Variants in MYOCD observed in about 807,000 individuals in gnomAD.
MYOCD encodes the protein myocardin.
Under a neutral mutation model 96.1 loss-of-function variants are expected in MYOCD, and 32 were observed. The observed-to-expected ratio is 0.33, with a 90% CI of 0.25 to 0.45. The LOEUF (loss-of-function observed/expected upper bound fraction) is 0.45, where lower values mean the gene tolerates loss of function less well. Among genes scored for constraint, MYOCD ranks in the 20% least tolerant of loss-of-function variants. MYOCD has a pLI of 1.00. For synonymous variants in MYOCD, 469 were observed against 469.0 expected, an observed-to-expected ratio of 1.00 and a Z score of 0.00; for missense variants, 1,133 against 1,200.6, an observed-to-expected ratio of 0.94 and a Z score of 0.83.
chr17:12,742,027 C>G lies in MYOCD; in HGVS notation c.718-2156C>G, dbSNP rs12452347. On this transcript the variant is annotated intron_variant, in intron 7 of 13. Transcript: ENST00000425538. ...AAGGCAACATAGAGAAAAAAAGCTC[C>G]TGGACCTCCGACTTAGCTGCGGGAC... Among the ~76,000 whole-genome samples the G allele has an allele frequency of 6.0e-3, 907 of 152,200 alleles. 16 individuals carry two copies. Among genetic ancestry groups the G allele is most frequent in the East Asian group, 0.031 (162 of 5,170 alleles).
intron 9 of MYOCD, among the ~76,000 whole-genome samples, chr17:12,752,115 A>C (rs12940605): frequency 0.29 from 44,429 of 152,166 alleles, 7,552 homozygotes; most frequent in Middle Eastern, 0.46. Context: ...ATGGGGACAC[A>C]GATCGCCATG....
In MYOCD at chr17:12,767,252, G is replaced by A. The variant is rs1367090328; in HGVS notation, c.*3608G>A. 1.3e-5 allele frequency: 2 copies of A among 152,122 alleles called. No homozygotes were observed. The highest frequency in any genetic ancestry group is 2.9e-5 in the Non-Finnish European group (2 of 68,028). The allele number at this position is 152,122 out of a possible 1,614,324, so 9.4% of individuals were successfully genotyped here. On this transcript the variant is annotated 3_prime_UTR_variant, in exon 14 of 14. Transcript: ENST00000425538. ...TCTTCACCTGAATAATAGAGGGTCTGAGAACTGTCAGCCTTTTGCCATTCA... is the reference window on the plus strand; with the variant it reads ...TCTTCACCTGAATAATAGAGGGTCTAAGAACTGTCAGCCTTTTGCCATTCA...
intron 1 of MYOCD, among the ~76,000 whole-genome samples, chr17:12,678,235 T>C (rs932169562): frequency 5.9e-5 from 9 of 152,014 alleles, no homozygotes; most frequent in Non-Finnish European, 1.2e-4. Flanking sequence ...GTTATGAAGA[T>C]AATTATTGTC....
In MYOCD at chr17:12,679,152, A is replaced by T. The variant is rs564345699; in HGVS notation, c.55+12909A>T. On this transcript the variant is annotated intron_variant, in intron 1 of 13. Coordinates refer to ENST00000425538, the MANE Select transcript of MYOCD (RefSeq NM_001146312.3). Reference sequence around the variant, plus strand: ...CTTTTCAGATAGGCAGATGCCTGGCATTTAACCTATTTCCTCTCTCAACCT... The same window carrying T: ...CTTTTCAGATAGGCAGATGCCTGGCTTTTAACCTATTTCCTCTCTCAACCT... Among the ~76,000 whole-genome samples, 9 of 152,328 alleles carry T rather than the reference A, an allele frequency of 5.9e-5. 1 individual carries two copies. The highest frequency in any genetic ancestry group is 1.9e-4 in the African/African-American group (8 of 41,576).
intron 9 of MYOCD, among the ~76,000 whole-genome samples, chr17:12,749,954 T>A (rs1021242326): frequency 5.3e-5 from 8 of 152,030 alleles, no homozygotes; most frequent in South Asian, 2.1e-4. Flanking sequence ...GGTTCACGCC[T>A]TTCTCCTGCC....
At position 12,756,917 on chromosome 17, in the gene MYOCD, A is replaced by C. The variant is rs1449402783; in HGVS notation, c.2202+360A>C. On this transcript the variant is annotated intron_variant, in intron 11 of 13. Transcript: ENST00000425538. ...AACAAATCCACTCCAAATGCATCTA[A>C]AAGGATGTACAGATATGAGTTAGAA... Among the ~76,000 whole-genome samples, 3 of 152,106 alleles carry C rather than the reference A, an allele frequency of 2.0e-5. 1 individual carries two copies. Among genetic ancestry groups the C allele is most frequent in the African/African-American group, 7.2e-5 (3 of 41,416 alleles).
At position 12,745,987 on chromosome 17, in the gene MYOCD, C is replaced by T. The variant is rs1330057854; in HGVS notation, c.1040C>T (p.Ser347Phe). 10 of 1,614,086 alleles carry T rather than the reference C, an allele frequency of 6.2e-6. No individual in the cohort carries two copies. Among genetic ancestry groups the T allele is most frequent in the Non-Finnish European group, 7.6e-6 (9 of 1,180,028 alleles). ...ACGCCACTGAGCAATACCCCCTTGT[C>T]TCCTGTCAAAAACAGTTTTTCTGGA... ...SSTPLSNTPL[S>F]PVKNSFSGQT... Residue 347 changes from serine to phenylalanine, a missense_variant, in exon 9 of 14, where the codon TCT becomes TTT. Coordinates refer to ENST00000425538, the MANE Select transcript of MYOCD (RefSeq NM_001146312.3).
At chr17:12,712,766 T>G (rs548111041) in intron 2 of MYOCD, among the ~76,000 whole-genome samples, 20 of 152,178 alleles carry the variant, frequency 1.3e-4, no homozygotes, top group African/African-American at 4.6e-4. Flanking sequence ...TTTACAACAG[T>G]ATTTTAATTC....
chr17:12,726,362 A>T (rs891395104), intron 5 of MYOCD, among the ~76,000 whole-genome samples: 1 of 152,224 alleles, frequency 6.6e-6, no homozygotes, highest in Non-Finnish European at 1.5e-5. Context: ...AACTTTATTT[A>T]CAAAAACAGG....
chr17:12,726,258 G>T (rs1466859907), intron 5 of MYOCD, among the ~76,000 whole-genome samples: 1 of 152,174 alleles, frequency 6.6e-6, no homozygotes, highest in East Asian at 1.9e-4. Flanking sequence ...ATAAATACTT[G>T]AGACTGCCCC....
intron 9 of MYOCD, 99 bp from the exon 10 acceptor site, chr17:12,752,315 G>A: frequency 1.9e-6 from 2 of 1,046,504 alleles, no homozygotes; most frequent in Non-Finnish European, 2.8e-6. Flanking sequence ...GGGTATTGTA[G>A]AATTCCATTT....
At chr17:12,761,586 C>G (rs1597819899) in intron 13 of MYOCD, 1 of 110,976 alleles carries the variant, frequency 9.0e-6, no homozygotes, top group Non-Finnish European at 1.8e-5. Flanking sequence ...ATATCAGATG[C>G]CCATACACAC....
At chr17:12,759,762 G>A (rs1022930040) in intron 12 of MYOCD, among the ~76,000 whole-genome samples, 3 of 152,202 alleles carry the variant, frequency 2.0e-5, no homozygotes, top group African/African-American at 4.8e-5. Flanking sequence ...ATCAAAATAT[G>A]AGCCAAGTTC....
Position 12,765,607 on chromosome 17 carries a change from G to A in MYOCD, c.*1963G>A, listed in dbSNP as rs1010293807. 1.3e-5 allele frequency: 2 copies of A among 150,818 alleles called. No homozygotes were observed. Among genetic ancestry groups the A allele is most frequent in the Non-Finnish European group, 3.0e-5 (2 of 67,638 alleles). 9.3% of individuals were successfully genotyped at this position (150,818 alleles called of 1,614,324 possible). A position where few individuals can be genotyped will look rare whatever the true frequency, so the allele number is the denominator to read the frequency against. On this transcript the variant is annotated 3_prime_UTR_variant, in exon 14 of 14. Transcript: ENST00000425538. ...TCTGTGTGTGCATGTATCTCCAAAA[G>A]CGGCGTTACAGAGTTCTACACCAAA...
intron 9 of MYOCD, among the ~76,000 whole-genome samples, chr17:12,751,652 T>C (rs1320313811): frequency 2.0e-5 from 3 of 152,180 alleles, no homozygotes; most frequent in Non-Finnish European, 4.4e-5. Flanking sequence ...CAAAAATGCA[T>C]AAAGTAAGCA....
rs962756208 is a variant in MYOCD at position 12,763,150 on chromosome 17, A to G, written c.2467A>G (p.Thr823Ala). 6.2e-6 allele frequency: 10 copies of G among 1,614,144 alleles called. No homozygotes were observed. The highest frequency in any genetic ancestry group is 8.5e-6 in the Non-Finnish European group (10 of 1,180,024). The change falls in exon 14 of 14, where the codon ACT (threonine) becomes GCT (alanine). Residue 823 changes from threonine to alanine, a missense_variant. By Grantham distance (58) the Thr-to-Ala change is moderately conservative. Transcript: ENST00000425538. Reference sequence around the variant, plus strand: ...GATACCCAGATCTTCCCGAAGTCCAACTGCTGTCCTCACCAAGCCCTCGGC... The same window carrying G: ...GATACCCAGATCTTCCCGAAGTCCAGCTGCTGTCCTCACCAAGCCCTCGGC... ...PKIPRSSRSP[T>A]AVLTKPSASF...
intron 8 of MYOCD, among the ~76,000 whole-genome samples, chr17:12,745,333 C>T (rs182337211): frequency 6.6e-6 from 1 of 152,240 alleles, no homozygotes; most frequent in African/African-American, 2.4e-5. Context: ...CCTCAGCCTC[C>T]CTAGTAGCTA....
intron 1 of MYOCD, among the ~76,000 whole-genome samples, chr17:12,668,501 C>A (rs1034179053): frequency 2.0e-5 from 3 of 152,134 alleles, no homozygotes; most frequent in African/African-American, 7.2e-5. Context: ...CAACCATGGC[C>A]GACCAACTTT....
chr17:12,762,072 T>C (rs1473884372), intron 13 of MYOCD: 1 of 152,260 alleles, frequency 6.6e-6, no homozygotes, highest in Non-Finnish European at 1.5e-5. Flanking sequence ...CTGGGTTGTT[T>C]TGCAGTCTTA....
Sources: gnomAD v4.1 joint callset for allele counts (sites outside exome capture counted in the v4.1 genomes callset) on GRCh38, gnomAD v4.1.1 for gene constraint, MANE v1.5 for transcripts, NCBI Gene and HGNC (gene_info 2026-07-23, HGNC 2026-07-21) for gene names.